The following WDR27 variants were observed in gnomAD, a reference collection of about 807,000 sequenced individuals.
WDR27 encodes WD repeat-containing protein 27.
A neutral mutation model predicts 114.4 loss-of-function variants in WDR27; 100 were observed. The ratio of observed to expected loss-of-function variants is 0.87; its 90% CI spans 0.74 to 1.03. WDR27 has a LOEUF of 1.03. Among genes scored for constraint, WDR27 ranks in the 50% least tolerant of loss-of-function variants. WDR27 has a pLI of 0.00. For missense variants in WDR27, 1,129 were observed against 1,092.9 expected (o/e 1.03, Z -0.47); for synonymous variants, 449 against 423.1 (o/e 1.06, Z -0.75).
At chr6:169,525,446 G>A (rs920906715) in intron 25 of WDR27, among the ~76,000 whole-genome samples, 2 of 149,540 alleles carry the variant, frequency 1.3e-5, no homozygotes, top group African/African-American at 5.0e-5. Flanking sequence ...TGAGGCAGGA[G>A]AATGGCATGA....
At chr6:169,577,444 G>C (rs1431077343) in intron 24 of WDR27, among the ~76,000 whole-genome samples, 1 of 150,400 alleles carries the variant, frequency 6.6e-6, no homozygotes, top group Admixed American at 6.6e-5. Flanking sequence ...GGGGCCTGGA[G>C]ACGGGGAGAT....
At chr6:169,485,672 G>A (rs148794011) in intron 25 of WDR27, among the ~76,000 whole-genome samples, 1 of 152,150 alleles carries the variant, frequency 6.6e-6, no homozygotes, top group African/African-American at 2.4e-5. Context: ...ATACCCAAAG[G>A]AATATAAATT....
chr6:169,575,554 G>C (rs1271099211), intron 24 of WDR27, among the ~76,000 whole-genome samples: 1 of 152,174 alleles, frequency 6.6e-6, no homozygotes, highest in Non-Finnish European at 1.5e-5. Context: ...CAGGCAGCCT[G>C]AGTTTCCTGT....
intron 25 of WDR27, among the ~76,000 whole-genome samples, chr6:169,464,020 G>A (rs1478624036): frequency 6.6e-6 from 1 of 152,256 alleles, no homozygotes; most frequent in South Asian, 2.1e-4. Flanking sequence ...ATTTTTTACA[G>A]AAGTAGAACA....
chr6:169,675,912 T>C (rs1033234219), intron 2 of WDR27, among the ~76,000 whole-genome samples: 2 of 152,178 alleles, frequency 1.3e-5, no homozygotes, highest in East Asian at 1.9e-4. Flanking sequence ...GGATTCTCTA[T>C]AGAATATGGA....
intron 7 of WDR27, 66 bp from the exon 8 acceptor site, chr6:169,664,352 C>T (rs1203654921): frequency 6.2e-7 from 1 of 1,608,110 alleles, no homozygotes; most frequent in Non-Finnish European, 8.5e-7. Flanking sequence ...AGCAGCAACA[C>T]CAGAGGTGGA....
At chr6:169,483,336 G>A (rs1241517675) in intron 25 of WDR27, among the ~76,000 whole-genome samples, 1 of 152,114 alleles carries the variant, frequency 6.6e-6, no homozygotes, top group Admixed American at 6.6e-5. Flanking sequence ...TGATAAGTTG[G>A]ATGTTACCAC....
intron 21 of WDR27, among the ~76,000 whole-genome samples, chr6:169,621,364 ACATG>A (rs1481754181): frequency 2.6e-4 from 40 of 151,776 alleles, no homozygotes; most frequent in African/African-American, 9.2e-4. Context: ...ACATACGCAC[ACATG>A]CATGCATGTA....
At chr6:169,488,218 C>T (rs892749835) in intron 25 of WDR27, among the ~76,000 whole-genome samples, 3 of 152,256 alleles carry the variant, frequency 2.0e-5, no homozygotes, top group African/African-American at 7.2e-5. Context: ...TGCATTGGGG[C>T]TGCACCACCA....
chr6:169,660,364 G>C (rs1825730157), intron 10 of WDR27, among the ~76,000 whole-genome samples: 1 of 152,192 alleles, frequency 6.6e-6, no homozygotes, highest in Admixed American at 6.5e-5. Context: ...GCTTCCCAAG[G>C]GTGTTCCTGC....
At chr6:169,668,370 C>T (rs900852938) in intron 4 of WDR27, among the ~76,000 whole-genome samples, 185 bp from the exon 5 acceptor site, 1 of 152,128 alleles carries the variant, frequency 6.6e-6, no homozygotes, top group African/African-American at 2.4e-5. Context: ...GGCGTCTCCT[C>T]AGGAATCCTG....
At chr6:169,578,491 G>A (rs1485993616) in intron 24 of WDR27, among the ~76,000 whole-genome samples, 1 of 152,096 alleles carries the variant, frequency 6.6e-6, no homozygotes, top group African/African-American at 2.4e-5. Flanking sequence ...ACGAATGGCA[G>A]GAACAAGGTA....
At chr6:169,663,820 C>A in intron 8 of WDR27, 1 of 266,816 alleles carries the variant, frequency 3.7e-6, no homozygotes, top group Non-Finnish European at 7.1e-6. Context: ...GTGCAGGTGG[C>A]ATCTGAGTCA....
intron 5 of WDR27, 88 bp downstream of exon 5, chr6:169,667,894 G>T: frequency 7.7e-7 from 1 of 1,293,634 alleles, no homozygotes; most frequent in Non-Finnish European, 1.0e-6. Flanking sequence ...GGCGGCCGTG[G>T]CCGTGAAGCA....
At chr6:169,474,203 G>A (rs1222235935) in intron 25 of WDR27, among the ~76,000 whole-genome samples, 1 of 152,214 alleles carries the variant, frequency 6.6e-6, no homozygotes, top group African/African-American at 2.4e-5. Context: ...GAAATATGGT[G>A]TTGCCTAGTA....
In WDR27 at chr6:169,700,536, C is replaced by G. The variant is rs562499080; in HGVS notation, c.-8+1015G>C. Among the ~76,000 whole-genome samples, 10 of 152,196 alleles carry G rather than the reference C, an allele frequency of 6.6e-5. No homozygotes were observed. The South Asian group carries it at 2.1e-3, about 31-fold the overall frequency. The stretch of plus-strand genomic sequence containing the variant: ...AAATTCCTCCTGCACTGCCTCTCTT[C>G]TTTCCCCACCCACTGGCTAAATGCG... On this transcript the variant is annotated intron_variant, in intron 1 of 25. Coordinates refer to ENST00000448612, the MANE Select transcript of WDR27 (RefSeq NM_182552.5).
At chr6:169,481,918 G>A (rs947718456) in intron 25 of WDR27, among the ~76,000 whole-genome samples, 2 of 152,146 alleles carry the variant, frequency 1.3e-5, no homozygotes, top group African/African-American at 4.8e-5. Context: ...TTGAAGTCAG[G>A]CAGACCAAGA....
chr6:169,473,804 T>A (rs1786762041), intron 25 of WDR27, among the ~76,000 whole-genome samples: 1 of 152,236 alleles, frequency 6.6e-6, no homozygotes, highest in African/African-American at 2.4e-5. Context: ...GGAAACCATG[T>A]GTCTCCAGTC....
At chr6:169,634,641 A>G (rs1817228621) in intron 19 of WDR27, 116 bp from the exon 20 acceptor site, 3 of 649,072 alleles carry the variant, frequency 4.6e-6, no homozygotes, top group African/African-American at 3.8e-5. Flanking sequence ...TTTAAAAATC[A>G]TATTTTATGA....
Sources: gnomAD v4.1 joint callset for allele counts (sites outside exome capture counted in the v4.1 genomes callset) on GRCh38, gnomAD v4.1.1 for gene constraint, MANE v1.5 for transcripts, NCBI Gene and HGNC (gene_info 2026-07-23, HGNC 2026-07-21) for gene names.